Variants in SSBP1 observed in about 807,000 individuals in gnomAD.
The protein encoded by SSBP1 is single-stranded DNA-binding protein, mitochondrial.
In SSBP1, 20 loss-of-function variants were observed where a neutral mutation model predicts 27.0. That is an observed-to-expected ratio of 0.74 (90% CI 0.52 to 1.08). SSBP1 has a LOEUF of 1.08. Ranked by LOEUF, SSBP1 falls within the 50% of genes least tolerant of loss-of-function variation. SSBP1 has a pLI of 0.00. For missense variants in SSBP1, 137 were observed against 182.4 expected, an observed-to-expected ratio of 0.75 and a Z score of 1.44; for synonymous variants, 59 against 59.3, an observed-to-expected ratio of 1.00 and a Z score of 0.02.
At chr7:141,748,353 T>C (rs988969285) in intron 6 of SSBP1, among the ~76,000 whole-genome samples, 3 of 152,222 alleles carry the variant, frequency 2.0e-5, no homozygotes, top group Non-Finnish European at 4.4e-5. Flanking sequence ...TCATACATTA[T>C]ATTACATGAT....
intron 2 of SSBP1, 44 bp downstream of exon 2, chr7:141,739,234 C>T: frequency 4.0e-6 from 6 of 1,505,436 alleles, no homozygotes; most frequent in African/African-American, 1.4e-5. Flanking sequence ...TTACTATCAG[C>T]CACAGTGATC....
Position 141,743,088 on chromosome 7 carries a change from T to C in SSBP1, c.86-473T>C, listed in dbSNP as rs374678160. Among the ~76,000 whole-genome samples, 103 of 152,300 alleles carry C rather than the reference T, an allele frequency of 6.8e-4. 1 individual carries two copies. In the East Asian group the frequency reaches 7.2e-3, roughly 11 times the overall value. On this transcript the variant is annotated intron_variant, in intron 3 of 6. Transcript: ENST00000265304. ...CAGCATGGTCTCTCTCTCCTGACCT[T>C]GTGATCCGCCCGCCTTGGCCTCCCA...
At chr7:141,747,941 C>T (rs912166964) in intron 6 of SSBP1, among the ~76,000 whole-genome samples, 2 of 137,222 alleles carry the variant, frequency 1.5e-5, no homozygotes, top group African/African-American at 2.8e-5. Context: ...GTGTTTGTAG[C>T]GAATTGAGAT....
rs1393229553 is a variant in SSBP1 at position 141,742,211 on chromosome 7, A to T, written c.67A>T (p.Ser23Cys). 1 of 1,604,958 alleles carries T rather than the reference A, an allele frequency of 6.2e-7. No homozygotes were observed. The highest frequency in any genetic ancestry group is 1.7e-5 in the Admixed American group (1 of 59,962). The change falls in exon 3 of 7, where the codon AGT becomes TGT. Residue 23 changes from serine to cysteine, a missense_variant. Physicochemically the swap from Ser to Cys is moderately radical, Grantham distance 112. Coordinates refer to ENST00000265304, the MANE Select transcript of SSBP1 (RefSeq NM_003143.3). ...FVRHESETTT[S>C]LVLERSLNRV... The stretch of plus-strand genomic sequence containing the variant: ...AAGACATGAGTCCGAAACAACTACC[A>T]GTTTGGTTCTTGAAAGATGTAAGTA...
chr7:141,742,778 G>T (rs1799593539), intron 3 of SSBP1, among the ~76,000 whole-genome samples: 1 of 152,112 alleles, frequency 6.6e-6, no homozygotes, highest in African/African-American at 2.4e-5. Flanking sequence ...CCAGAACTTG[G>T]GTTTTACTTA....
intron 6 of SSBP1, among the ~76,000 whole-genome samples, chr7:141,749,778 C>T (rs1799901103): frequency 6.6e-6 from 1 of 152,022 alleles, no homozygotes; most frequent in African/African-American, 2.4e-5. Flanking sequence ...ACTCCATCTC[C>T]AAAGGAAAAA....
chr7:141,749,905 C>T (rs1018208894), intron 6 of SSBP1, among the ~76,000 whole-genome samples: 1 of 152,206 alleles, frequency 6.6e-6, no homozygotes, highest in African/African-American at 2.4e-5. Flanking sequence ...GACTCTTACT[C>T]TTTCCTCTAG....
chr7:141,743,144 C>T lies in SSBP1; in HGVS notation c.86-417C>T, dbSNP rs141873341. The stretch of plus-strand genomic sequence containing the variant: ...CTGGGATTACAGGCGTGAGCCACCG[C>T]GCCCAGCCAGGTGTGGATTTCTTTA... On this transcript the variant is annotated intron_variant, in intron 3 of 6. Coordinates refer to ENST00000265304, the MANE Select transcript of SSBP1 (RefSeq NM_003143.3). 2.7e-3 allele frequency among the ~76,000 whole-genome samples: 406 copies of T among 152,336 alleles called. 3 individuals carry two copies. The highest frequency in any genetic ancestry group is 6.8e-3 in the Middle Eastern group (2 of 294).
At chr7:141,747,142 A>G (rs184579856) in intron 6 of SSBP1, among the ~76,000 whole-genome samples, 2 of 152,254 alleles carry the variant, frequency 1.3e-5, no homozygotes, top group Admixed American at 1.3e-4. Context: ...TACCTAATTG[A>G]TCAAAACAAT....
At position 141,742,159 on chromosome 7, in the gene SSBP1, TC is replaced by T. The variant is rs1799560270; in HGVS notation, c.25-9del. On this transcript the variant is annotated splice_polypyrimidine_tract_variant and intron_variant, in intron 2 of 6. Transcript: ENST00000265304. ...AATTAAAGCCATGTTATTCATTTGT[TC>T]TTCTTTAGGTACTTCGTCAGTTTGT... 6.3e-7 allele frequency: 1 copy of T among 1,585,908 alleles called. No individual in the cohort carries two copies. Among genetic ancestry groups the T allele is most frequent in the Non-Finnish European group, 8.6e-7 (1 of 1,158,082 alleles).
rs747374622 is a variant in SSBP1, at chr7:141,743,981, G to A, written c.306G>A (p.Val102=). ...TCAGAGACGTGGCATATCAATATGT[G>A]AAAAAGGGGTAAGTTGAAGAGGGAA... ...PGLRDVAYQY[V]KKGSRIYLEG... Residue 102 remains valine (V), a synonymous_variant, in exon 5 of 7, where the codon GTG becomes GTA. Coordinates refer to ENST00000265304, the MANE Select transcript of SSBP1 (RefSeq NM_003143.3). The A allele has an allele frequency of 1.2e-6, 2 of 1,610,896 alleles. No homozygotes were observed. Among genetic ancestry groups the A allele is most frequent in the Admixed American group, 3.4e-5 (2 of 59,386 alleles).
chr7:141,742,346 A>G (rs1296950061), intron 3 of SSBP1, 117 bp downstream of exon 3: 2 of 709,670 alleles, frequency 2.8e-6, no homozygotes, highest in African/African-American at 1.7e-5. Flanking sequence ...CTTTTAGCTC[A>G]TGTTTGCTCT....
Position 141,743,911 on chromosome 7 carries a change from G to T in SSBP1, c.236G>T (p.Ser79Ile). ...DSEVYQLGDV[S>I]QKTTWHRISV... Reference sequence around the variant, plus strand: ...TATTTTTATGATTTAGGTGATGTCAGTCAAAAGACAACATGGCACAGAATA... The same window carrying T: ...TATTTTTATGATTTAGGTGATGTCATTCAAAAGACAACATGGCACAGAATA... The change falls in exon 5 of 7, where the codon AGT becomes ATT. Residue 79 changes from serine (S) to isoleucine (I), a missense_variant. By Grantham distance (142) the Ser-to-Ile change is moderately radical. This residue lies in a region of SSBP1 where 95 missense variants were observed against 152.0 expected (regional missense o/e 0.62). Coordinates refer to ENST00000265304, the MANE Select transcript of SSBP1 (RefSeq NM_003143.3). 6.2e-7 allele frequency: 1 copy of T among 1,610,344 alleles called. No individual in the cohort carries two copies.
At position 141,745,249 on chromosome 7, in the gene SSBP1, T is replaced by C. The variant is rs114176170; in HGVS notation, c.315-247T>C. Among the ~76,000 whole-genome samples, 1,184 of 152,350 alleles carry C rather than the reference T, an allele frequency of 7.8e-3. 16 individuals carry two copies. The highest frequency in any genetic ancestry group is 0.028 in the African/African-American group (1,149 of 41,584). ...TTCCCTTTGAACTGTTTTGTTTTAT[T>C]TTTTAACTTCCGTAAGAGAAATAGC... On this transcript the variant is annotated intron_variant, in intron 5 of 6. Transcript: ENST00000265304.
intron 2 of SSBP1, chr7:141,741,866 G>C: frequency 1.0e-6 from 1 of 953,496 alleles, no homozygotes. Flanking sequence ...TTCCTTTTGT[G>C]TGCAAACACA....
chr7:141,740,839 G>C (rs1799499870), intron 2 of SSBP1: 1 of 152,172 alleles, frequency 6.6e-6, no homozygotes, highest in South Asian at 2.1e-4. Context: ...CAATAGCCTT[G>C]TGAAGTAGGT....
intron 6 of SSBP1, among the ~76,000 whole-genome samples, chr7:141,746,793 T>C (rs1308017186): frequency 6.6e-6 from 1 of 152,244 alleles, no homozygotes; most frequent in Non-Finnish European, 1.5e-5. Context: ...CCCCTCTGGA[T>C]GTCTGCAAGC....
chr7:141,743,063 C>T (rs190040733), intron 3 of SSBP1, among the ~76,000 whole-genome samples: 48 of 152,330 alleles, frequency 3.2e-4, no homozygotes, highest in East Asian at 7.7e-4. Flanking sequence ...CCGTGTTAGC[C>T]AGCATGGTCT....
chr7:141,746,749 T>C (rs1471387752), intron 6 of SSBP1, among the ~76,000 whole-genome samples: 1 of 152,242 alleles, frequency 6.6e-6, no homozygotes, highest in African/African-American at 2.4e-5. Flanking sequence ...TTTTAAACTT[T>C]TGAAAATGCT....
Sources: allele counts gnomAD v4.1 joint callset (sites outside exome capture counted in the v4.1 genomes callset), GRCh38; gene constraint gnomAD v4.1.1; regional missense constraint gnomAD v4.1.1; transcripts MANE v1.5; gene names NCBI Gene and HGNC (gene_info 2026-07-23, HGNC 2026-07-21).